The following KSR2 variants were observed in gnomAD, a reference collection of about 807,000 sequenced individuals.
KSR2 encodes kinase suppressor of ras 2.
A neutral mutation model predicts 107.8 loss-of-function variants in KSR2; 25 were observed. The ratio of observed to expected loss-of-function variants is 0.23; its 90% CI spans 0.17 to 0.32. The LOEUF (loss-of-function observed/expected upper bound fraction) is 0.32, where lower values mean the gene tolerates loss of function less well. Among genes scored for constraint, KSR2 ranks in the 10% least tolerant of loss-of-function variants. KSR2 has a pLI of 1.00. For missense variants in KSR2, 887 were observed against 1,268.9 expected (o/e 0.70, Z 4.57); for synonymous variants, 480 against 507.0 (o/e 0.95, Z 0.71).
intron 1 of KSR2, among the ~76,000 whole-genome samples, chr12:117,964,999 G>T (rs1009537075): frequency 1.3e-5 from 2 of 152,190 alleles, no homozygotes; most frequent in African/African-American, 2.4e-5. Context: ...GTCATTTCAG[G>T]CAATGGATCA....
At chr12:117,894,067 A>G (rs1025332356) in intron 1 of KSR2, among the ~76,000 whole-genome samples, 4 of 151,902 alleles carry the variant, frequency 2.6e-5, no homozygotes, top group East Asian at 3.9e-4. Flanking sequence ...CTGCCACTAC[A>G]CCCGGCTAAT....
chr12:117,714,714 A>G (rs900993798), intron 4 of KSR2, among the ~76,000 whole-genome samples: 1 of 152,160 alleles, frequency 6.6e-6, no homozygotes, highest in African/African-American at 2.4e-5. Flanking sequence ...ATGGGGACAA[A>G]TTTGTCCTCT....
chr12:117,580,198 C>T (rs746742537), intron 6 of KSR2, among the ~76,000 whole-genome samples: 1 of 152,172 alleles, frequency 6.6e-6, no homozygotes, highest in Admixed American at 6.5e-5. Flanking sequence ...ACTCTCCAAA[C>T]AGAATAAGCC....
intron 3 of KSR2, among the ~76,000 whole-genome samples, chr12:117,827,788 TA>T (rs1891812847): frequency 6.6e-6 from 1 of 152,234 alleles, no homozygotes; most frequent in Non-Finnish European, 1.5e-5. Flanking sequence ...GTAGTAGTAG[TA>T]TCCTCATGTC....
chr12:117,458,992 C>T lies in KSR2; in HGVS notation c.*8207G>A, dbSNP rs1367921366. On this transcript the variant is annotated 3_prime_UTR_variant, in exon 20 of 20. Transcript: ENST00000339824. ...GCACACCACCACGCACACTGTTATT[C>T]CTTAAGGCCCCCATATGCCGTGACT... The T allele has an allele frequency of 6.6e-6, 1 of 152,256 alleles. No individual in the cohort carries two copies. Among genetic ancestry groups the T allele is most frequent in the Non-Finnish European group, 1.5e-5 (1 of 68,066 alleles). The allele number at this position is 152,256 out of a possible 1,614,324, so 9.4% of individuals were successfully genotyped here.
intron 18 of KSR2, among the ~76,000 whole-genome samples, chr12:117,470,698 C>T (rs1310006960): frequency 6.6e-6 from 1 of 152,212 alleles, no homozygotes; most frequent in East Asian, 1.9e-4. Context: ...TACTCCTTCT[C>T]TGACTTATGT....
intron 1 of KSR2, among the ~76,000 whole-genome samples, chr12:117,867,423 A>T (rs1443827340): frequency 3.9e-5 from 6 of 152,190 alleles, no homozygotes; most frequent in Admixed American, 3.9e-4. Flanking sequence ...GGAAGGCTAT[A>T]AAAATGACCT....
chr12:117,915,950 C>A lies in KSR2; in HGVS notation c.180+52126G>T, dbSNP rs149116713. Among the ~76,000 whole-genome samples, 13 of 152,128 alleles carry A rather than the reference C, an allele frequency of 8.5e-5. No homozygotes were observed. In the East Asian group the frequency reaches 2.5e-3, roughly 29 times the overall value. ...TTGAGGAAATTTTTCATTTTTCCAA[C>A]TAAAAAACTAGCAAATCATTCTACT... On this transcript the variant is annotated intron_variant, in intron 1 of 19. Coordinates refer to ENST00000339824, the MANE Select transcript of KSR2 (RefSeq NM_173598.6).
chr12:117,896,481 C>A (rs4767639), intron 1 of KSR2, among the ~76,000 whole-genome samples: 2 of 144,908 alleles, frequency 1.4e-5, no homozygotes, highest in Non-Finnish European at 3.0e-5. Flanking sequence ...TTTTTTGAGA[C>A]GGAGTTTTGC....
chr12:117,531,737 G>A (rs756772775), intron 10 of KSR2, 30 bp from the exon 11 acceptor site: 29 of 1,583,540 alleles, frequency 1.8e-5, no homozygotes, highest in Non-Finnish European at 2.4e-5. Flanking sequence ...ATCAAAGTGA[G>A]TGTCCCCAGG....
At chr12:117,480,492 C>T (rs940044330) in intron 16 of KSR2, among the ~76,000 whole-genome samples, 2 of 152,122 alleles carry the variant, frequency 1.3e-5, no homozygotes, top group Admixed American at 6.5e-5. Flanking sequence ...GCATCTAAAA[C>T]GATACCTTTT....
chr12:117,771,570 G>A (rs920277090), intron 3 of KSR2, among the ~76,000 whole-genome samples: 16 of 152,164 alleles, frequency 1.1e-4, no homozygotes, highest in Admixed American at 1.3e-4. Context: ...AACATTGGCT[G>A]TGTGCTTACT....
intron 3 of KSR2, among the ~76,000 whole-genome samples, chr12:117,833,151 C>T (rs191675148): frequency 6.6e-6 from 1 of 152,296 alleles, no homozygotes; most frequent in Non-Finnish European, 1.5e-5. Context: ...GGCCCAGGCA[C>T]CTCTCTGAAT....
intron 7 of KSR2, among the ~76,000 whole-genome samples, chr12:117,570,850 C>T (rs1218113887): frequency 6.6e-6 from 1 of 152,192 alleles, no homozygotes; most frequent in Non-Finnish European, 1.5e-5. Flanking sequence ...ACTCAGCTCT[C>T]TCTCTGCAGT....
At chr12:117,896,188 G>A (rs1337172108) in intron 1 of KSR2, among the ~76,000 whole-genome samples, 2 of 152,176 alleles carry the variant, frequency 1.3e-5, no homozygotes, top group East Asian at 1.9e-4. Flanking sequence ...ATATTATTCA[G>A]CCATGAAAAA....
At chr12:117,567,982 C>A (rs1305369588) in intron 7 of KSR2, among the ~76,000 whole-genome samples, 1 of 152,184 alleles carries the variant, frequency 6.6e-6, no homozygotes, top group Non-Finnish European at 1.5e-5. Flanking sequence ...TCACTGCTAA[C>A]AACTCAGTGG....
At chr12:117,583,150 C>T (rs568071697) in intron 5 of KSR2, among the ~76,000 whole-genome samples, 33 of 149,972 alleles carry the variant, frequency 2.2e-4, no homozygotes, top group South Asian at 1.1e-3. Context: ...GATGGATAGG[C>T]GGGTGGGTGA....
chr12:117,868,942 G>A (rs936276175), intron 1 of KSR2, among the ~76,000 whole-genome samples: 7 of 151,902 alleles, frequency 4.6e-5, no homozygotes, highest in African/African-American at 1.7e-4. Flanking sequence ...GTAGAGATGA[G>A]GTTTTGTGCC....
At chr12:117,877,775 A>T (rs140068429) in intron 1 of KSR2, among the ~76,000 whole-genome samples, 188 of 152,244 alleles carry the variant, frequency 1.2e-3, no homozygotes, top group East Asian at 7.7e-3. Context: ...CAAACTTTGT[A>T]GCAAGATCAC....
Sources: allele counts gnomAD v4.1 joint callset (sites outside exome capture counted in the v4.1 genomes callset), GRCh38; gene constraint gnomAD v4.1.1; transcripts MANE v1.5; gene names NCBI Gene and HGNC (gene_info 2026-07-23, HGNC 2026-07-21).